Variants in ARHGEF28 observed in about 807,000 individuals in gnomAD.
ARHGEF28 encodes the protein 190 kDa guanine nucleotide exchange factor.
A neutral mutation model predicts 206.6 loss-of-function variants in ARHGEF28; 152 were observed. The ratio of observed to expected loss-of-function variants is 0.74; its 90% CI spans 0.64 to 0.84. The LOEUF (loss-of-function observed/expected upper bound fraction) is 0.84, where lower values mean the gene tolerates loss of function less well. ARHGEF28 is among the 40% of genes least tolerant of loss of function. ARHGEF28 has a pLI of 0.00. For synonymous variants in ARHGEF28, 763 were observed against 776.4 expected, an observed-to-expected ratio of 0.98 and a Z score of 0.29; for missense variants, 2,028 against 2,073.2, an observed-to-expected ratio of 0.98 and a Z score of 0.42.
At chr5:73,826,864 C>T (rs938648778) in intron 9 of ARHGEF28, among the ~76,000 whole-genome samples, 1 of 152,134 alleles carries the variant, frequency 6.6e-6, no homozygotes, top group Admixed American at 6.5e-5. Flanking sequence ...CTCACGGAGC[C>T]CTTGTGGAGT....
chr5:73,931,418 A>T (rs575301376), intron 35 of ARHGEF28, among the ~76,000 whole-genome samples: 82 of 152,210 alleles, frequency 5.4e-4, no homozygotes, highest in African/African-American at 1.7e-3. Context: ...TCTATTTTTT[A>T]AAAAAATAAT....
At position 73,894,315 on chromosome 5, in the gene ARHGEF28, C is replaced by T. The variant is rs1021740217; in HGVS notation, c.3659-78C>T. ...GGTCTTACTGCTTGCTAATTAGCAA[C>T]ATCTTTTTCGTGGACTTTCACATTA... On this transcript the variant is annotated intron_variant, in intron 28 of 35. Coordinates refer to ENST00000513042, the MANE Select transcript of ARHGEF28 (RefSeq NM_001177693.2). The T allele has an allele frequency of 4.3e-6, 6 of 1,395,642 alleles. No homozygotes were observed. The Admixed American group carries it at 1.3e-4, about 31-fold the overall frequency. 86.5% of individuals were successfully genotyped at this position (1,395,642 alleles called of 1,614,324 possible).
chr5:73,731,003 C>T (rs1750590630), intron 2 of ARHGEF28, among the ~76,000 whole-genome samples: 1 of 133,692 alleles, frequency 7.5e-6, no homozygotes, highest in African/African-American at 3.1e-5. Flanking sequence ...TCTTCTCTGC[C>T]TTTAAGCTAA....
At chr5:73,858,240 G>A (rs533794148) in intron 16 of ARHGEF28, 21 bp downstream of exon 16, 2 of 1,550,308 alleles carry the variant, frequency 1.3e-6, no homozygotes, top group South Asian at 2.5e-5. Flanking sequence ...AGGTCTATGT[G>A]CGCTGTCTTT....
In ARHGEF28 at chr5:73,849,116, A is replaced by C. The variant is rs770833635; in HGVS notation, c.1747+29A>C. 49 of 1,437,224 alleles carry C rather than the reference A, an allele frequency of 3.4e-5. No homozygotes were observed. The Middle Eastern group carries it at 5.2e-4, about 15-fold the overall frequency. 89.0% of individuals were successfully genotyped at this position (1,437,224 alleles called of 1,614,324 possible). ...AGCATCATTTAACATTTGGCTTTGA[A>C]AACACTCTATTCCAGAACAGATTTT... On this transcript the variant is annotated intron_variant, in intron 13 of 35. Transcript: ENST00000513042.
In ARHGEF28 at chr5:73,909,840, C is replaced by T; in HGVS notation, c.4590C>T (p.His1530=). The T allele has an allele frequency of 6.5e-7, 1 of 1,541,110 alleles. No homozygotes were observed. Among genetic ancestry groups the T allele is most frequent in the Non-Finnish European group, 8.7e-7 (1 of 1,155,974 alleles). The change falls in exon 34 of 36, where the codon CAC becomes CAT. Residue 1530 remains histidine, a synonymous_variant. Coordinates refer to ENST00000513042, the MANE Select transcript of ARHGEF28 (RefSeq NM_001177693.2). ...RMRAQQSLLG[H]WKHGRQRSLP... is the part of the protein sequence containing the mutation. ...GGGCCCAGCAGAGCCTGCTGGGCCA[C>T]TGGAAGCACGGCCGGCAGAGGAGCC...
chr5:73,681,425 C>T (rs184726794), intron 1 of ARHGEF28, among the ~76,000 whole-genome samples: 7 of 152,210 alleles, frequency 4.6e-5, no homozygotes, highest in African/African-American at 4.8e-5. Flanking sequence ...AATTTATACT[C>T]GGAATAGGAG....
At chr5:73,795,654 G>T (rs1366158021) in intron 9 of ARHGEF28, 1 of 357,628 alleles carries the variant, frequency 2.8e-6, no homozygotes, top group East Asian at 4.8e-5. Context: ...GCTGGCTCTG[G>T]ACTTGTCATA....
intron 2 of ARHGEF28, among the ~76,000 whole-genome samples, chr5:73,734,959 T>C (rs370660973): frequency 1.3e-5 from 2 of 152,036 alleles, no homozygotes; most frequent in East Asian, 3.9e-4. Flanking sequence ...TTGAGGAGGG[T>C]CATTGTAACT....
At chr5:73,807,854 A>G (rs1352914360) in intron 9 of ARHGEF28, among the ~76,000 whole-genome samples, 1 of 151,458 alleles carries the variant, frequency 6.6e-6, no homozygotes, top group Non-Finnish European at 1.5e-5. Context: ...TAATATTTAT[A>G]TTTATTAATA....
chr5:73,872,958 T>G lies in ARHGEF28; in HGVS notation c.2567-41T>G, dbSNP rs369250911. On this transcript the variant is annotated intron_variant, in intron 21 of 35. Coordinates refer to ENST00000513042, the MANE Select transcript of ARHGEF28 (RefSeq NM_001177693.2). Reference sequence around the variant, plus strand: ...TTAGTTTAATAGCGAAACTTGCTTTTTAAAGCTTGTTTAAGGCTTATGTGT... The same window carrying G: ...TTAGTTTAATAGCGAAACTTGCTTTGTAAAGCTTGTTTAAGGCTTATGTGT... The G allele has an allele frequency of 3.5e-4, 557 of 1,594,014 alleles. 1 individual carries two copies. The highest frequency in any genetic ancestry group is 9.0e-4 in the South Asian group (80 of 88,686).
In ARHGEF28 at chr5:73,682,857, G is replaced by A. The variant is rs908443848; in HGVS notation, c.-11-1984G>A. Among the ~76,000 whole-genome samples, 18 of 152,332 alleles carry A rather than the reference G, an allele frequency of 1.2e-4. No homozygotes were observed. In the East Asian group the frequency reaches 2.9e-3, roughly 25 times the overall value. On this transcript the variant is annotated intron_variant, in intron 1 of 35. Transcript: ENST00000513042. ...TGGGAGGCGGAGGTTGCAGAGCCAG[G>A]CTTGGCCTAAGGAGCAGAACCCAGG...
chr5:73,743,207 C>G (rs2112381613), intron 2 of ARHGEF28, among the ~76,000 whole-genome samples: 1 of 152,274 alleles, frequency 6.6e-6, no homozygotes, highest in Non-Finnish European at 1.5e-5. Flanking sequence ...TAGTCTTAAA[C>G]ATTTTAATTT....
At chr5:73,669,122 T>C (rs72770814) in intron 1 of ARHGEF28, among the ~76,000 whole-genome samples, 39,437 of 152,164 alleles carry the variant, frequency 0.26, 5,727 homozygotes, top group African/African-American at 0.37. Context: ...TGGGTGTGAA[T>C]TTTTTAATAT....
intron 18 of ARHGEF28, among the ~76,000 whole-genome samples, chr5:73,866,501 T>C (rs1759717042): frequency 1.3e-5 from 2 of 152,228 alleles, no homozygotes; most frequent in Admixed American, 1.3e-4. Flanking sequence ...GTCTGTAGAT[T>C]CTTATCAGTT....
rs781655792 is a variant in ARHGEF28 at position 73,909,879 on chromosome 5, C to T, written c.4629C>T (p.Leu1543=). Residue 1543 remains leucine (L), a synonymous_variant, in exon 34 of 36, where the codon CTC becomes CTT. Coordinates refer to ENST00000513042, the MANE Select transcript of ARHGEF28 (RefSeq NM_001177693.2). ...GGCAGAGGAGCCTGCCCGCGGTGCT[C>T]CTTCCGGGTGGCCCCGAGGTATGGA... ...HGRQRSLPAV[L]LPGGPEVMEL... 2 of 1,515,286 alleles carry T rather than the reference C, an allele frequency of 1.3e-6. No homozygotes were observed. The highest frequency in any genetic ancestry group is 1.7e-6 in the Non-Finnish European group (2 of 1,145,176). 93.9% of individuals were successfully genotyped at this position (1,515,286 alleles called of 1,614,324 possible). A position where few individuals can be genotyped will look rare whatever the true frequency, so the allele number is the denominator to read the frequency against.
chr5:73,856,371 AC>A (rs1291569358), intron 14 of ARHGEF28, among the ~76,000 whole-genome samples: 2 of 152,066 alleles, frequency 1.3e-5, no homozygotes, highest in Non-Finnish European at 2.9e-5. Context: ...TAAGCAGCAA[AC>A]CCAATTTCAT....
At chr5:73,660,754 G>A (rs1019352329) in intron 1 of ARHGEF28, among the ~76,000 whole-genome samples, 2 of 152,200 alleles carry the variant, frequency 1.3e-5, no homozygotes, top group Admixed American at 6.5e-5. Context: ...TCAGTGAGCA[G>A]TAATATTTTG....
At position 73,774,022 on chromosome 5, in the gene ARHGEF28, G is replaced by T; in HGVS notation, c.643G>T (p.Val215Leu). The change falls in exon 5 of 36, where the codon GTG becomes TTG. Residue 215 changes from valine to leucine, a missense_variant. By Grantham distance (32) the Val-to-Leu change is conservative. Transcript: ENST00000513042. The part of the protein sequence containing the change: ...LALREGHSKL[V>L]EDVTNFQGRW... The stretch of plus-strand genomic sequence containing the variant: ...TTTACGTGAAGGACACTCCAAGCTG[G>T]TGGAAGACGTCACAAAGTGAGTTTA... The T allele has an allele frequency of 6.3e-7, 1 of 1,594,528 alleles. No homozygotes were observed. The highest frequency in any genetic ancestry group is 8.5e-7 in the Non-Finnish European group (1 of 1,170,510).
Sources: gnomAD v4.1 joint callset for allele counts (sites outside exome capture counted in the v4.1 genomes callset) on GRCh38, gnomAD v4.1.1 for gene constraint, MANE v1.5 for transcripts, NCBI Gene and HGNC (gene_info 2026-07-23, HGNC 2026-07-21) for gene names.